RPH3A: variants seen among roughly 807,000 people sequenced by gnomAD.
RPH3A encodes rabphilin 3A.
Under a neutral mutation model 102.2 loss-of-function variants are expected in RPH3A, and 48 were observed. That is an observed-to-expected ratio of 0.47 (90% CI 0.37 to 0.60). The LOEUF (loss-of-function observed/expected upper bound fraction) is 0.60, where lower values mean the gene tolerates loss of function less well. RPH3A is among the 20% of genes least tolerant of loss of function. The pLI is 0.00. For missense variants in RPH3A, 781 were observed against 910.1 expected (o/e 0.86, Z 1.83); for synonymous variants, 310 against 324.3 (o/e 0.96, Z 0.47).
At chr12:112,689,641 T>C (rs2040292402) in intron 1 of RPH3A, among the ~76,000 whole-genome samples, 1 of 152,174 alleles carries the variant, frequency 6.6e-6, no homozygotes, top group Admixed American at 6.5e-5. Context: ...TTGAAATAAG[T>C]CAGGACACAG....
At chr12:112,846,777 G>C (rs893751363) in intron 4 of RPH3A, among the ~76,000 whole-genome samples, 1 of 152,162 alleles carries the variant, frequency 6.6e-6, no homozygotes, top group Non-Finnish European at 1.5e-5. Context: ...TAGTGGAGAG[G>C]ATACTAATTT....
chr12:112,858,631 C>G (rs1239596380), intron 5 of RPH3A, among the ~76,000 whole-genome samples: 1 of 152,248 alleles, frequency 6.6e-6, no homozygotes, highest in Non-Finnish European at 1.5e-5. Context: ...TGTCCGATCT[C>G]TCACTTGAAC....
intron 1 of RPH3A, among the ~76,000 whole-genome samples, chr12:112,712,549 C>T (rs2040469716): frequency 6.6e-6 from 1 of 152,110 alleles, no homozygotes; most frequent in Non-Finnish European, 1.5e-5. Flanking sequence ...AGTTTAAGAA[C>T]TAAGATGCTA....
intron 1 of RPH3A, among the ~76,000 whole-genome samples, chr12:112,659,456 G>T (rs1244626266): frequency 1.3e-5 from 2 of 152,184 alleles, no homozygotes; most frequent in African/African-American, 4.8e-5. Flanking sequence ...TTCAGGTTGT[G>T]CATCTTTAGC....
chr12:112,731,080 G>C (rs569728449), intron 1 of RPH3A, among the ~76,000 whole-genome samples: 1 of 152,322 alleles, frequency 6.6e-6, no homozygotes, highest in Non-Finnish European at 1.5e-5. Context: ...CTCTGTGTTA[G>C]AGTTGGCTGT....
intron 1 of RPH3A, among the ~76,000 whole-genome samples, chr12:112,738,913 C>T (rs1344871171): frequency 6.6e-6 from 1 of 152,004 alleles, no homozygotes; most frequent in African/African-American, 2.4e-5. Flanking sequence ...CTCTTTTTTC[C>T]CCTAATGAAT....
chr12:112,696,832 T>C (rs1031418732), intron 1 of RPH3A, among the ~76,000 whole-genome samples: 1 of 152,208 alleles, frequency 6.6e-6, no homozygotes, highest in African/African-American at 2.4e-5. Context: ...ATCCAAATAA[T>C]TTGCCTAGGA....
chr12:112,591,695 A>T (rs1442034173), intron 1 of RPH3A: 1 of 152,202 alleles, frequency 6.6e-6, no homozygotes, highest in Non-Finnish European at 1.5e-5. Context: ...TGTGCTCGGA[A>T]ATGAAATCAC....
intron 1 of RPH3A, among the ~76,000 whole-genome samples, chr12:112,694,297 A>T (rs936296608): frequency 6.6e-6 from 1 of 152,182 alleles, no homozygotes; most frequent in African/African-American, 2.4e-5. Flanking sequence ...CACGTGGCCC[A>T]GCTGCTCCAC....
At chr12:112,601,556 G>A (rs2039559919) in intron 1 of RPH3A, among the ~76,000 whole-genome samples, 1 of 152,010 alleles carries the variant, frequency 6.6e-6, no homozygotes, top group African/African-American at 2.4e-5. Context: ...GCACAAAAAA[G>A]TACATATAGA....
intron 1 of RPH3A, among the ~76,000 whole-genome samples, chr12:112,752,244 G>A (rs558896833): frequency 4.6e-5 from 7 of 152,072 alleles, no homozygotes; most frequent in South Asian, 2.1e-4. Flanking sequence ...TGTAAGATTC[G>A]TTTTCACTAT....
intron 1 of RPH3A, among the ~76,000 whole-genome samples, chr12:112,747,152 C>T (rs1368487873): frequency 6.6e-6 from 1 of 152,170 alleles, no homozygotes; most frequent in Non-Finnish European, 1.5e-5. Flanking sequence ...TCCCACCTAC[C>T]ATACCACTCC....
chr12:112,647,712 A>T (rs1405871444), intron 1 of RPH3A, among the ~76,000 whole-genome samples: 1 of 152,146 alleles, frequency 6.6e-6, no homozygotes, highest in Non-Finnish European at 1.5e-5. Flanking sequence ...ATGTGGATAT[A>T]CATAGGGGGA....
At chr12:112,807,740 C>T (rs1027787194) in intron 2 of RPH3A, among the ~76,000 whole-genome samples, 5 of 151,924 alleles carry the variant, frequency 3.3e-5, no homozygotes, top group Non-Finnish European at 5.9e-5. Context: ...TGGAAAAGGT[C>T]CTGTTAGTCC....
intron 1 of RPH3A, among the ~76,000 whole-genome samples, chr12:112,602,075 G>A (rs556618471): frequency 6.6e-6 from 1 of 152,208 alleles, no homozygotes; most frequent in Non-Finnish European, 1.5e-5. Flanking sequence ...GCACACAAGA[G>A]CCTTCAGATA....
intron 1 of RPH3A, among the ~76,000 whole-genome samples, chr12:112,718,462 G>A (rs553010356): frequency 9.2e-5 from 14 of 152,244 alleles, no homozygotes; most frequent in African/African-American, 3.1e-4. Flanking sequence ...GGGGATGGGG[G>A]TGGGTGTGGG....
At chr12:112,832,945 T>C (rs2041993608) in intron 3 of RPH3A, among the ~76,000 whole-genome samples, 1 of 151,604 alleles carries the variant, frequency 6.6e-6, no homozygotes, top group Admixed American at 6.6e-5. Flanking sequence ...CTCTTTTTTT[T>C]TTTTTTTTTG....
chr12:112,852,626 A>G (rs1006874331), intron 5 of RPH3A, among the ~76,000 whole-genome samples: 4 of 152,162 alleles, frequency 2.6e-5, no homozygotes, highest in Non-Finnish European at 5.9e-5. Flanking sequence ...CTTGCCCTAG[A>G]TGCCTGCCCC....
intron 1 of RPH3A, among the ~76,000 whole-genome samples, chr12:112,763,353 T>C (rs2040867227): frequency 1.3e-5 from 2 of 152,210 alleles, no homozygotes; most frequent in Admixed American, 1.3e-4. Flanking sequence ...CCTCAGGAGA[T>C]CCTGAGAACA....
Sources: gnomAD v4.1 joint callset for allele counts (sites outside exome capture counted in the v4.1 genomes callset) on GRCh38, gnomAD v4.1.1 for gene constraint, MANE v1.5 for transcripts, NCBI Gene and HGNC (gene_info 2026-07-23, HGNC 2026-07-21) for gene names.